The following ARHGAP32 variants were observed in gnomAD, a reference collection of about 807,000 sequenced individuals.
ARHGAP32 encodes Rho GTPase activating protein 32.
Under a neutral mutation model 186.5 loss-of-function variants are expected in ARHGAP32, and 51 were observed. That is an observed-to-expected ratio of 0.27 (90% CI 0.22 to 0.35). The LOEUF is 0.35. Ranked by LOEUF, ARHGAP32 falls within the 10% of genes least tolerant of loss-of-function variation. The pLI is 1.00. For missense variants in ARHGAP32, 2,186 were observed against 2,623.5 expected (o/e 0.83, Z 3.64); for synonymous variants, 950 against 964.3 (o/e 0.99, Z 0.27).
chr11:129,180,592 C>T (rs1849863308), intron 1 of ARHGAP32, among the ~76,000 whole-genome samples: 1 of 152,058 alleles, frequency 6.6e-6, no homozygotes, highest in Admixed American at 6.6e-5. Flanking sequence ...GATGAACCAA[C>T]TCAATAAGAA....
At chr11:129,049,176 G>A (rs1167849966) in intron 10 of ARHGAP32, among the ~76,000 whole-genome samples, 1 of 152,034 alleles carries the variant, frequency 6.6e-6, no homozygotes, top group Non-Finnish European at 1.5e-5. Context: ...AAGGGAGGAA[G>A]ATAAGAAGCA....
At chr11:129,015,908 T>C (rs562697063) in intron 11 of ARHGAP32, among the ~76,000 whole-genome samples, 116 of 152,286 alleles carry the variant, frequency 7.6e-4, no homozygotes, top group South Asian at 1.9e-3. Context: ...AGGACTTCTC[T>C]GGCACTCACG....
chr11:129,191,176 G>A (rs1156892157), intron 1 of ARHGAP32, among the ~76,000 whole-genome samples: 2 of 152,136 alleles, frequency 1.3e-5, no homozygotes, highest in Non-Finnish European at 2.9e-5. Context: ...GATGAAAACA[G>A]TATATTCACC....
chr11:129,159,848 G>A (rs1433900207), intron 2 of ARHGAP32, among the ~76,000 whole-genome samples: 1 of 151,986 alleles, frequency 6.6e-6, no homozygotes, highest in Non-Finnish European at 1.5e-5. Context: ...CCAAATCCAG[G>A]AGCACATTAA....
chr11:129,061,183 G>A (rs1057313734), intron 10 of ARHGAP32, among the ~76,000 whole-genome samples: 6 of 152,110 alleles, frequency 3.9e-5, no homozygotes, highest in Non-Finnish European at 4.4e-5. Flanking sequence ...TTTTATTTAT[G>A]TAGTATTTAG....
At chr11:129,096,773 G>C (rs1941740489) in intron 5 of ARHGAP32, among the ~76,000 whole-genome samples, 1 of 152,212 alleles carries the variant, frequency 6.6e-6, no homozygotes, top group Non-Finnish European at 1.5e-5. Flanking sequence ...ACTGGCAGCA[G>C]ACATAAAGGG....
At chr11:129,020,555 A>G (rs1037748771) in intron 11 of ARHGAP32, among the ~76,000 whole-genome samples, 2 of 152,110 alleles carry the variant, frequency 1.3e-5, no homozygotes, top group Admixed American at 1.3e-4. Flanking sequence ...CACATACTTT[A>G]TAAAAATTAT....
chr11:129,063,797 T>C, intron 9 of ARHGAP32, 105 bp downstream of exon 9: 1 of 1,272,722 alleles, frequency 7.9e-7, no homozygotes, highest in Non-Finnish European at 1.1e-6. Flanking sequence ...AAAAACCTGG[T>C]GCTTTTCATT....
intron 11 of ARHGAP32, among the ~76,000 whole-genome samples, chr11:129,037,865 G>A (rs762090434): frequency 4.6e-5 from 7 of 151,922 alleles, no homozygotes; most frequent in Non-Finnish European, 1.0e-4. Context: ...CACTTTGGGA[G>A]GCCGAGGTGG....
At chr11:129,047,258 A>C (rs1939849305) in intron 10 of ARHGAP32, among the ~76,000 whole-genome samples, 1 of 152,208 alleles carries the variant, frequency 6.6e-6, no homozygotes, top group Non-Finnish European at 1.5e-5. Flanking sequence ...CACTCCTCAA[A>C]ATATATCACA....
rs552935805 is a variant in ARHGAP32 at position 129,125,689 on chromosome 11, T to C, written c.226-795A>G. On this transcript the variant is annotated intron_variant, in intron 2 of 22. Coordinates refer to ENST00000682385, the MANE Select transcript of ARHGAP32 (RefSeq NM_001378024.1). ...AAGCCAGACAGTTTACATACTTTTT[T>C]TTTTAAATAGGACTTTTCAAAGATA... Among the ~76,000 whole-genome samples the C allele has an allele frequency of 3.9e-3, 593 of 152,184 alleles. 2 individuals are homozygous for C. The highest frequency in any genetic ancestry group is 0.014 in the African/African-American group (567 of 41,562).
chr11:129,087,125 T>A (rs908209420), intron 6 of ARHGAP32, among the ~76,000 whole-genome samples: 3 of 152,170 alleles, frequency 2.0e-5, no homozygotes, highest in Admixed American at 1.3e-4. Context: ...CAACAGGAAC[T>A]GTCATTCATT....
chr11:129,025,313 T>G (rs1232631976), intron 11 of ARHGAP32, among the ~76,000 whole-genome samples: 1 of 152,202 alleles, frequency 6.6e-6, no homozygotes, highest in Non-Finnish European at 1.5e-5. Flanking sequence ...TTGATTGAAT[T>G]TATTCTTTCC....
Position 128,991,287 on chromosome 11 carries a change from T to C in ARHGAP32, c.1196-3162A>G, listed in dbSNP as rs533469093. The stretch of plus-strand genomic sequence containing the variant: ...GTTCCCTGAGTAGAAGGACTGAATG[T>C]CTACACAAAAATCACATAATGAGCT... On this transcript the variant is annotated intron_variant, in intron 12 of 22. Coordinates refer to ENST00000682385, the MANE Select transcript of ARHGAP32 (RefSeq NM_001378024.1). Among the ~76,000 whole-genome samples, 17 of 152,264 alleles carry C rather than the reference T, an allele frequency of 1.1e-4. No individual in the cohort carries two copies. In the East Asian group the frequency reaches 3.3e-3, roughly 29 times the overall value.
At chr11:128,987,687 C>T (rs901525795) in intron 13 of ARHGAP32, among the ~76,000 whole-genome samples, 1 of 152,096 alleles carries the variant, frequency 6.6e-6, no homozygotes, top group Non-Finnish European at 1.5e-5. Context: ...CCATTCCCAT[C>T]CATTTTAATT....
In ARHGAP32 at chr11:128,970,222, T is replaced by C. The variant is rs1359865817; in HGVS notation, c.4991A>G (p.Tyr1664Cys). The C allele has an allele frequency of 1.2e-6, 2 of 1,614,204 alleles. No homozygotes were observed. The highest frequency in any genetic ancestry group is 1.7e-6 in the Non-Finnish European group (2 of 1,180,026). ...ACTAGAAGAACTGGAATATGGGCTA[T>C]ACCTGTAGTGGACCCGGCCATTCTC... ...YFENGRVHYR[Y>C]SPYSSSSSSY... is the part of the protein sequence containing the mutation. The change falls in exon 23 of 23, where the codon TAT (tyrosine) becomes TGT (cysteine). Residue 1664 changes from tyrosine (Y) to cysteine (C), a missense_variant. By Grantham distance (194) the Tyr-to-Cys change is radical. Around this residue, in one of 5 missense-constraint regions of ARHGAP32, gnomAD observed 1,502 missense variants for 1,570.0 expected, o/e 0.96. Transcript: ENST00000682385. This position sits in a 1 kb window ranked among gnomAD's most constrained non-coding sequence, Gnocchi z 5.8.
chr11:129,155,067 T>C (rs923211658), intron 2 of ARHGAP32, among the ~76,000 whole-genome samples: 1 of 151,936 alleles, frequency 6.6e-6, no homozygotes, highest in South Asian at 2.1e-4. Context: ...AACATTGGTA[T>C]ACATAAATAA....
At chr11:129,069,509 A>G (rs893192153) in intron 6 of ARHGAP32, among the ~76,000 whole-genome samples, 1 of 152,082 alleles carries the variant, frequency 6.6e-6, no homozygotes, top group African/African-American at 2.4e-5. Flanking sequence ...CTCAAAAGAC[A>G]AAAGAACATT....
rs1944006120 is a variant in ARHGAP32 at position 129,179,663 on chromosome 11, A to G, written c.116+12420T>C. ...TTTGTAGGGACATGGATGAAATTGG[A>G]AATCATCATTCTCAGTAAACTATCT... On this transcript the variant is annotated intron_variant, in intron 1 of 22. Transcript: ENST00000682385. Among the ~76,000 whole-genome samples the G allele has an allele frequency of 3.9e-5, 6 of 152,200 alleles. No homozygotes were observed. The South Asian group carries it at 1.2e-3, about 32-fold the overall frequency.
Sources: allele counts gnomAD v4.1 joint callset (sites outside exome capture counted in the v4.1 genomes callset), GRCh38; gene constraint gnomAD v4.1.1; regional missense constraint gnomAD v4.1.1; non-coding constraint Gnocchi (gnomAD v3.1); transcripts MANE v1.5; gene names NCBI Gene and HGNC (gene_info 2026-07-23, HGNC 2026-07-21).